Variants in PPFIA2 observed in about 807,000 individuals in gnomAD.
PPFIA2 encodes the protein liprin-alpha-2.
Under a neutral mutation model 175.5 loss-of-function variants are expected in PPFIA2, and 46 were observed. The ratio of observed to expected loss-of-function variants is 0.26; its 90% CI spans 0.21 to 0.34. PPFIA2 has a LOEUF of 0.34. PPFIA2 is among the 10% of genes least tolerant of loss of function. PPFIA2 has a pLI of 1.00. For missense variants in PPFIA2, 1,179 were observed against 1,506.1 expected (o/e 0.78, Z 3.60); for synonymous variants, 568 against 511.4 (o/e 1.11, Z -1.49).
intron 4 of PPFIA2, among the ~76,000 whole-genome samples, chr12:81,513,768 T>C (rs938985986): frequency 2.0e-5 from 3 of 152,040 alleles, no homozygotes; most frequent in Admixed American, 6.6e-5. Context: ...CAATCAGGCA[T>C]ACATAGGTGG....
intron 4 of PPFIA2, among the ~76,000 whole-genome samples, chr12:81,582,830 T>C (rs537295813): frequency 9.9e-5 from 15 of 152,028 alleles, no homozygotes; most frequent in Admixed American, 3.9e-4. Flanking sequence ...GGAATCATCA[T>C]TGAATAAAAT....
chr12:81,611,239 A>C (rs115281705), intron 4 of PPFIA2, among the ~76,000 whole-genome samples: 1 of 152,070 alleles, frequency 6.6e-6, no homozygotes, highest in African/African-American at 2.4e-5. Context: ...AAAGGTTGTG[A>C]CAGGGAGATA....
At chr12:81,277,029 T>C (rs1217320555) in intron 28 of PPFIA2, among the ~76,000 whole-genome samples, 1 of 152,194 alleles carries the variant, frequency 6.6e-6, no homozygotes, top group Non-Finnish European at 1.5e-5. Flanking sequence ...AATATCTACA[T>C]GGAGACATCT....
chr12:81,727,178 C>T (rs2080202706), intron 3 of PPFIA2, among the ~76,000 whole-genome samples: 1 of 151,246 alleles, frequency 6.6e-6, no homozygotes, highest in African/African-American at 2.4e-5. Flanking sequence ...ACATTTCAGA[C>T]CATGTCATAT....
intron 7 of PPFIA2, among the ~76,000 whole-genome samples, chr12:81,422,603 C>A (rs138340995): frequency 6.6e-6 from 1 of 152,194 alleles, no homozygotes; most frequent in East Asian, 1.9e-4. Flanking sequence ...ACATGGACGG[C>A]AGCAGGCAAA....
In PPFIA2 at chr12:81,746,999, C is replaced by T. The variant is rs1334504515; in HGVS notation, c.249+6974G>A. Among the ~76,000 whole-genome samples the T allele has an allele frequency of 1.4e-5, 2 of 142,738 alleles. 1 individual carries two copies. Among genetic ancestry groups the T allele is most frequent in the East Asian group, 4.3e-4 (2 of 4,684 alleles). 93.6% of individuals were successfully genotyped at this position (142,738 alleles called of 152,430 possible). ...GAATATGAAAGCATCACTAGATTTGCAAAATATTGGTGACATATATGAGTG... is the reference window on the plus strand; with the variant it reads ...GAATATGAAAGCATCACTAGATTTGTAAAATATTGGTGACATATATGAGTG... On this transcript the variant is annotated intron_variant, in intron 3 of 32. Coordinates refer to ENST00000549396, the MANE Select transcript of PPFIA2 (RefSeq NM_003625.5).
At chr12:81,673,572 C>A (rs2071849424) in intron 4 of PPFIA2, among the ~76,000 whole-genome samples, 1 of 151,874 alleles carries the variant, frequency 6.6e-6, no homozygotes. Context: ...AATATAAATT[C>A]TATGCTCTTA....
chr12:81,728,397 T>C lies in PPFIA2; in HGVS notation c.249+25576A>G, dbSNP rs543461924. 5.9e-5 allele frequency among the ~76,000 whole-genome samples: 9 copies of C among 151,566 alleles called. No homozygotes were observed. In the East Asian group the frequency reaches 1.6e-3, roughly 26 times the overall value. Reference sequence around the variant, plus strand: ...TAAAAATCTTCCTTCCCCAAACATCTTTATGCTCAGTCTCACTCCCCACTT... The same window carrying C: ...TAAAAATCTTCCTTCCCCAAACATCCTTATGCTCAGTCTCACTCCCCACTT... On this transcript the variant is annotated intron_variant, in intron 3 of 32. Transcript: ENST00000549396.
At chr12:81,624,747 G>A (rs933746319) in intron 4 of PPFIA2, among the ~76,000 whole-genome samples, 2 of 150,836 alleles carry the variant, frequency 1.3e-5, no homozygotes, top group East Asian at 1.9e-4. Flanking sequence ...AAAAACTGTA[G>A]GTTCTCCCTT....
intron 3 of PPFIA2, among the ~76,000 whole-genome samples, chr12:81,678,746 G>A (rs2073053345): frequency 6.6e-6 from 1 of 151,836 alleles, no homozygotes; most frequent in African/African-American, 2.4e-5. Context: ...TAGAGTTTAA[G>A]TCCTTGATTG....
intron 4 of PPFIA2, among the ~76,000 whole-genome samples, chr12:81,513,629 T>C (rs550902259): frequency 8.2e-4 from 124 of 152,142 alleles, no homozygotes; most frequent in African/African-American, 2.9e-3. Flanking sequence ...TGACATCTTA[T>C]GGTATGTTCA....
chr12:81,677,334 C>T (rs994258063), intron 3 of PPFIA2, among the ~76,000 whole-genome samples: 1 of 151,642 alleles, frequency 6.6e-6, no homozygotes, highest in Non-Finnish European at 1.5e-5. Flanking sequence ...TTTATCATTT[C>T]ATTGTTTTGG....
intron 4 of PPFIA2, among the ~76,000 whole-genome samples, chr12:81,459,971 C>T (rs2054239809): frequency 6.6e-6 from 1 of 152,128 alleles, no homozygotes; most frequent in Non-Finnish European, 1.5e-5. Flanking sequence ...GAGCATCATT[C>T]TCCACTGCAA....
intron 3 of PPFIA2, among the ~76,000 whole-genome samples, chr12:81,698,679 C>T (rs892973486): frequency 6.6e-6 from 1 of 151,922 alleles, no homozygotes; most frequent in Non-Finnish European, 1.5e-5. Context: ...TATATTTTGG[C>T]CATTCCCTAT....
chr12:81,617,032 AC>A (rs2061479103), intron 4 of PPFIA2, among the ~76,000 whole-genome samples: 1 of 152,192 alleles, frequency 6.6e-6, no homozygotes, highest in Non-Finnish European at 1.5e-5. Context: ...TTCTAGATGA[AC>A]AAAACTTTGA....
At chr12:81,476,528 CTATATT>C in intron 4 of PPFIA2, among the ~76,000 whole-genome samples, 1 of 152,290 alleles carries the variant, frequency 6.6e-6, no homozygotes, top group East Asian at 1.9e-4. Context: ...TACAATAAAT[CTATATT>C]TATATCACAT....
Position 81,607,963 on chromosome 12 carries a change from A to T in PPFIA2, c.303+68828T>A, listed in dbSNP as rs574396715. Among the ~76,000 whole-genome samples the T allele has an allele frequency of 3.9e-5, 6 of 152,126 alleles. No homozygotes were observed. In the South Asian group the frequency reaches 1.0e-3, roughly 26 times the overall value. ...GATGGCTCTTCTTATTTTGAGGTAT[A>T]TTCCTTTGATGCCTAGTCTGTTGGG... On this transcript the variant is annotated intron_variant, in intron 4 of 32. Transcript: ENST00000549396.
At chr12:81,554,656 C>CA (rs1013855718) in intron 4 of PPFIA2, among the ~76,000 whole-genome samples, 2 of 151,990 alleles carry the variant, frequency 1.3e-5, no homozygotes, top group Non-Finnish European at 2.9e-5. Context: ...CTCATGTCCT[C>CA]AAAGCAACAA....
rs1420477281 is a variant in PPFIA2 at position 81,599,928 on chromosome 12, C to A, written c.303+76863G>T. Among the ~76,000 whole-genome samples the A allele has an allele frequency of 4.6e-5, 7 of 152,086 alleles. No homozygotes were observed. In the South Asian group the frequency reaches 8.3e-4, roughly 18 times the overall value. Reference sequence around the variant, plus strand: ...GGGCTATGAATGGATAAGCATACCACAAAGGTGAAGTGTCCTCAATCACAT... The same window carrying A: ...GGGCTATGAATGGATAAGCATACCAAAAAGGTGAAGTGTCCTCAATCACAT... On this transcript the variant is annotated intron_variant, in intron 4 of 32. Transcript: ENST00000549396.
Sources: allele counts gnomAD v4.1 joint callset (sites outside exome capture counted in the v4.1 genomes callset), GRCh38; gene constraint gnomAD v4.1.1; transcripts MANE v1.5; gene names NCBI Gene and HGNC (gene_info 2026-07-23, HGNC 2026-07-21).